The following SNX24 variants were observed in gnomAD, a reference collection of about 807,000 sequenced individuals.
SNX24 encodes the protein sorting nexin-24.
A neutral mutation model predicts 28.7 loss-of-function variants in SNX24; 22 were observed. The ratio of observed to expected loss-of-function variants is 0.77; its 90% CI spans 0.55 to 1.10. SNX24 has a LOEUF of 1.10. SNX24 is among the 50% of genes least tolerant of loss of function. The pLI, the probability that SNX24 is intolerant of heterozygous loss-of-function variation, is 0.00. For synonymous variants in SNX24, 69 were observed against 71.5 expected (o/e 0.96, Z 0.18); for missense variants, 221 against 201.1 (o/e 1.10, Z -0.60).
chr5:122,938,939 CAAAAAAAAAAAAAA>C (rs1033177759), intron 2 of SNX24, among the ~76,000 whole-genome samples: 2 of 1,442 alleles, frequency 1.4e-3, no homozygotes, highest in Non-Finnish European at 1.8e-3. Context: ...GACTCCGTCT[CAAAAAAAAAAAAAA>C]AAAAAAAAAA....
chr5:122,874,016 CGCCCTG>C (rs962376197), intron 1 of SNX24, among the ~76,000 whole-genome samples: 1 of 151,934 alleles, frequency 6.6e-6, no homozygotes, highest in Admixed American at 6.6e-5. Flanking sequence ...GTGATCCACC[CGCCCTG>C]GCCTCCCACA....
intron 5 of SNX24, among the ~76,000 whole-genome samples, chr5:123,014,349 T>C (rs1453628114): frequency 7.3e-6 from 1 of 137,866 alleles, no homozygotes; most frequent in East Asian, 2.1e-4. Context: ...TTTTTTTTTT[T>C]TTTTTTTTTT....
intron 3 of SNX24, among the ~76,000 whole-genome samples, chr5:122,987,871 C>A (rs1042941706): frequency 6.6e-6 from 1 of 152,088 alleles, no homozygotes. Flanking sequence ...AGAACAAATA[C>A]TTTCTTTGGC....
At chr5:122,891,057 A>G in intron 1 of SNX24, 2 of 1,528,712 alleles carry the variant, frequency 1.3e-6, no homozygotes, top group South Asian at 1.3e-5. Flanking sequence ...AGCCTTCCAG[A>G]CAAAAATGGA....
At chr5:122,899,869 T>A (rs1486040161) in intron 1 of SNX24, among the ~76,000 whole-genome samples, 1 of 152,210 alleles carries the variant, frequency 6.6e-6, no homozygotes, top group East Asian at 1.9e-4. Context: ...AAAGTTTTTC[T>A]TATTAGGACT....
chr5:122,981,701 G>A (rs1330882387), intron 3 of SNX24, among the ~76,000 whole-genome samples: 2 of 152,080 alleles, frequency 1.3e-5, no homozygotes, highest in Non-Finnish European at 2.9e-5. Flanking sequence ...TTTTTGAGAC[G>A]CAGTCTCGCT....
chr5:123,005,061 A>C (rs1420150333), intron 6 of SNX24, among the ~76,000 whole-genome samples: 1 of 152,220 alleles, frequency 6.6e-6, no homozygotes, highest in African/African-American at 2.4e-5. Context: ...TCCACAGTTT[A>C]AAGTAGAGTG....
At chr5:123,018,129 T>G (rs191616337) in intron 5 of SNX24, among the ~76,000 whole-genome samples, 1 of 151,714 alleles carries the variant, frequency 6.6e-6, no homozygotes, top group African/African-American at 2.4e-5. Context: ...GAGCCCCACA[T>G]TGAGTACCCA....
intron 3 of SNX24, among the ~76,000 whole-genome samples, chr5:122,953,432 C>T (rs1760054902): frequency 6.6e-6 from 1 of 151,716 alleles, no homozygotes; most frequent in Admixed American, 6.6e-5. Flanking sequence ...AAAGGTGCTC[C>T]GAGGATAAAG....
chr5:122,949,604 T>G (rs30023), intron 3 of SNX24, among the ~76,000 whole-genome samples: 122,545 of 152,068 alleles, frequency 0.81, 50,160 homozygotes, highest in East Asian at 0.99. Flanking sequence ...ACTTCTGCCG[T>G]TCTAGAGATT....
At chr5:122,991,979 G>T (rs1025062466) in intron 3 of SNX24, among the ~76,000 whole-genome samples, 1 of 151,952 alleles carries the variant, frequency 6.6e-6, no homozygotes, top group Non-Finnish European at 1.5e-5. Flanking sequence ...GAAAAATATT[G>T]GGAAAGATAA....
chr5:122,861,708 C>CT (rs796632540), intron 1 of SNX24, among the ~76,000 whole-genome samples: 58 of 148,626 alleles, frequency 3.9e-4, no homozygotes, highest in African/African-American at 9.6e-4. Context: ...TTTTCAGTTG[C>CT]TTTTTTTTTT....
At chr5:123,014,028 A>G (rs999929600), downstream of SNX24, among the ~76,000 whole-genome samples, 1 of 152,242 alleles carries the variant, frequency 6.6e-6, no homozygotes, top group African/African-American at 2.4e-5. Context: ...GCTTCACAAC[A>G]TCTTTAAAAA....
At chr5:122,973,921 CAA>C (rs1357221715) in intron 3 of SNX24, among the ~76,000 whole-genome samples, 1 of 152,220 alleles carries the variant, frequency 6.6e-6, no homozygotes, top group Non-Finnish European at 1.5e-5. Context: ...ACTGACACCT[CAA>C]GCACCATTGG....
intron 1 of SNX24, among the ~76,000 whole-genome samples, chr5:122,859,128 T>G (rs1755337791): frequency 1.3e-5 from 2 of 152,236 alleles, no homozygotes; most frequent in Admixed American, 1.3e-4. Flanking sequence ...ATTGTAATCA[T>G]TGGCACTTGA....
chr5:123,001,518 T>A, intron 5 of SNX24, 81 bp downstream of exon 5: 1 of 1,036,256 alleles, frequency 9.7e-7, no homozygotes, highest in East Asian at 2.4e-5. Flanking sequence ...TTTCAAGTTA[T>A]GTTTTTCTTA....
chr5:122,953,554 G>A (rs1441937948), intron 3 of SNX24, among the ~76,000 whole-genome samples: 1 of 151,904 alleles, frequency 6.6e-6, no homozygotes, highest in Non-Finnish European at 1.5e-5. Flanking sequence ...GATGGGCAAG[G>A]TTGAGCTTCA....
chr5:122,955,811 G>A (rs1452931030), intron 3 of SNX24, among the ~76,000 whole-genome samples: 1 of 152,166 alleles, frequency 6.6e-6, no homozygotes, highest in Non-Finnish European at 1.5e-5. Context: ...TTACCAAGTG[G>A]TGAAAGCCCT....
chr5:122,904,492 T>C (rs1757566732), intron 1 of SNX24, among the ~76,000 whole-genome samples: 1 of 152,148 alleles, frequency 6.6e-6, no homozygotes, highest in Non-Finnish European at 1.5e-5. Context: ...CTTTTTATCT[T>C]TTGTTTTTTC....
Sources: gnomAD v4.1 joint callset for allele counts (sites outside exome capture counted in the v4.1 genomes callset) on GRCh38, gnomAD v4.1.1 for gene constraint, MANE v1.5 for transcripts, NCBI Gene and HGNC (gene_info 2026-07-23, HGNC 2026-07-21) for gene names.